The following ATP10B variants were observed in gnomAD, a reference collection of about 807,000 sequenced individuals.
ATP10B encodes the protein ATPase phospholipid transporting 10B (putative).
Under a neutral mutation model 141.2 loss-of-function variants are expected in ATP10B, and 122 were observed. The ratio of observed to expected loss-of-function variants is 0.86; its 90% CI spans 0.75 to 1.00. The LOEUF is 1.00. Among genes scored for constraint, ATP10B ranks in the 50% least tolerant of loss-of-function variants. ATP10B has a pLI of 0.00. For synonymous variants in ATP10B, 685 were observed against 692.0 expected (o/e 0.99, Z 0.16); for missense variants, 1,876 against 1,825.3 (o/e 1.03, Z -0.51).
At chr5:160,814,844 G>T (rs565987724) in intron 1 of ATP10B, among the ~76,000 whole-genome samples, 42 of 152,170 alleles carry the variant, frequency 2.8e-4, no homozygotes, top group Non-Finnish European at 4.3e-4. Context: ...CATTCTTAAA[G>T]AAAAGATTTT....
At position 160,640,573 on chromosome 5, in the gene ATP10B, C is replaced by T; in HGVS notation, c.888G>A (p.Met296Ile). The change falls in exon 10 of 26, where the codon ATG becomes ATA. Residue 296 changes from methionine (M) to isoleucine (I), a missense_variant. By Grantham distance (10) the Met-to-Ile change is conservative (BLOSUM62 1). Coordinates refer to ENST00000327245, the MANE Select transcript of ATP10B (RefSeq NM_025153.3). ...VIYAGHETKAMLNNSGPRYKR... is the reference protein window; with the variant it reads ...VIYAGHETKAILNNSGPRYKR... ...TGTACCGGGGGCCACTGTTGTTCAG[C>T]ATGGCTTTCGTCTCATGGCCTTTGA... is the stretch of plus-strand genomic sequence containing the variant. 1 of 1,614,098 alleles carries T rather than the reference C, an allele frequency of 6.2e-7. No individual in the cohort carries two copies. The highest frequency in any genetic ancestry group is 2.2e-5 in the East Asian group (1 of 44,884).
chr5:160,925,293 AGT>A, the ATP10B span, among the ~76,000 whole-genome samples: 8 of 152,214 alleles, frequency 5.3e-5, no homozygotes, highest in Non-Finnish European at 8.8e-5. Context: ...TTGAGGGAAA[AGT>A]AGCAGCAGCA....
At chr5:160,756,879 C>T (rs957973245) in intron 2 of ATP10B, among the ~76,000 whole-genome samples, 33 of 151,888 alleles carry the variant, frequency 2.2e-4, no homozygotes, top group African/African-American at 6.8e-4. Flanking sequence ...ATACATGTCA[C>T]GCGAATATTT....
rs1023296709 is a variant in ATP10B, at chr5:160,655,030, G to A, written c.676-5774C>T. 2.0e-4 allele frequency among the ~76,000 whole-genome samples: 30 copies of A among 152,236 alleles called. 1 individual carries two copies. The highest frequency in any genetic ancestry group is 6.7e-4 in the African/African-American group (28 of 41,544). On this transcript the variant is annotated intron_variant, in intron 7 of 25. Coordinates refer to ENST00000327245, the MANE Select transcript of ATP10B (RefSeq NM_025153.3). ...ATTTGGATGCACAGAGGAAAGATGA[G>A]TATTTATAAGCTCTCCTCTTGGCCC...
the ATP10B span, among the ~76,000 whole-genome samples, chr5:160,884,784 GA>G: frequency 6.6e-6 from 1 of 152,140 alleles, no homozygotes; most frequent in Non-Finnish European, 1.5e-5. Flanking sequence ...GCAAACATTT[GA>G]AAGGTGGCAC....
rs369968452 is a variant in ATP10B, at chr5:160,589,649, G to A, written c.3693C>T (p.Ile1231=). 11 of 1,614,004 alleles carry A rather than the reference G, an allele frequency of 6.8e-6. No homozygotes were observed. The highest frequency in any genetic ancestry group is 7.6e-6 in the Non-Finnish European group (9 of 1,179,986). ...DIDVFTFGTP[I]NTISLTTILL... is the part of the protein sequence containing the mutation. Reference sequence around the variant, plus strand: ...GGATTGTGGTGAGGGAGATGGTGTTGATTGGTGTCCCAAAGGTAAAGACAT... The same window carrying A: ...GGATTGTGGTGAGGGAGATGGTGTTAATTGGTGTCCCAAAGGTAAAGACAT... The change falls in exon 24 of 26, where the codon ATC becomes ATT. Residue 1231 remains isoleucine, a synonymous_variant. Transcript: ENST00000327245.
intron 3 of ATP10B, among the ~76,000 whole-genome samples, chr5:160,693,403 A>AACACACACACACAC (rs3075585): frequency 9.0e-4 from 113 of 125,682 alleles, no homozygotes; most frequent in Middle Eastern, 4.1e-3. Context: ...TGGGTCAGAA[A>AACACACACACACAC]ACACACACAC....
chr5:160,691,359 T>C (rs535893057), intron 3 of ATP10B, among the ~76,000 whole-genome samples: 7 of 152,132 alleles, frequency 4.6e-5, no homozygotes, highest in East Asian at 1.9e-4. Context: ...AGTATAATAA[T>C]GATTAAAAAA....
intron 3 of ATP10B, 79 bp from the exon 4 acceptor site, chr5:160,689,022 TG>T (rs1240008631): frequency 1.5e-5 from 12 of 788,126 alleles, no homozygotes; most frequent in Admixed American, 6.2e-5. Context: ...TCAAAAAGCT[TG>T]TCCACCACCA....
intron 6 of ATP10B, among the ~76,000 whole-genome samples, chr5:160,678,849 C>A (rs1256102922): frequency 2.0e-5 from 3 of 152,156 alleles, no homozygotes. Flanking sequence ...AATGGCAGCT[C>A]TGAGAAAAGC....
intron 3 of ATP10B, among the ~76,000 whole-genome samples, chr5:160,716,632 C>G (rs1765677660): frequency 6.6e-6 from 1 of 152,138 alleles, no homozygotes; most frequent in African/African-American, 2.4e-5. Context: ...TTAGGTTCAG[C>G]CACATTTAAC....
At chr5:160,662,171 C>T (rs1276027567) in intron 7 of ATP10B, among the ~76,000 whole-genome samples, 1 of 152,148 alleles carries the variant, frequency 6.6e-6, no homozygotes, top group Non-Finnish European at 1.5e-5. Flanking sequence ...GAAGAACATT[C>T]CATGCTCATG....
intron 10 of ATP10B, among the ~76,000 whole-genome samples, chr5:160,640,249 C>A (rs1759736838): frequency 6.6e-6 from 1 of 152,158 alleles, no homozygotes; most frequent in Admixed American, 6.5e-5. Context: ...ATTTCTTGAC[C>A]AAATAAATAT....
At position 160,606,753 on chromosome 5, in the gene ATP10B, T is replaced by C. The variant is rs751034281; in HGVS notation, c.3160+12A>G. ...TGCCAAAGTGCCACCCGCATCTCAG[T>C]ATGATGGGTACCTATGGAAAGGGTC... On this transcript the variant is annotated intron_variant, in intron 19 of 25. Transcript: ENST00000327245. The C allele has an allele frequency of 2.5e-6, 4 of 1,607,516 alleles. No individual in the cohort carries two copies. Among genetic ancestry groups the C allele is most frequent in the South Asian group, 2.2e-5 (2 of 90,434 alleles).
chr5:160,781,936 A>T (rs1770746767), intron 2 of ATP10B, among the ~76,000 whole-genome samples: 1 of 152,144 alleles, frequency 6.6e-6, no homozygotes, highest in African/African-American at 2.4e-5. Context: ...ATACTTTCTG[A>T]GGCAGAATTA....
chr5:160,686,901 T>C, intron 5 of ATP10B: 2 of 964,232 alleles, frequency 2.1e-6, no homozygotes, highest in Non-Finnish European at 2.5e-6. Flanking sequence ...TATAAGCACA[T>C]ATTTTAACTT....
At chr5:160,682,192 A>T (rs1427197741) in intron 6 of ATP10B, among the ~76,000 whole-genome samples, 23 of 152,264 alleles carry the variant, frequency 1.5e-4, no homozygotes, top group Admixed American at 1.5e-3. Context: ...GTAAAGCAAC[A>T]CTGAGTTAAT....
intron 17 of ATP10B, chr5:160,614,663 C>G (rs1012443458): frequency 1.3e-5 from 2 of 152,390 alleles, no homozygotes; most frequent in Admixed American, 6.5e-5. Flanking sequence ...GGAGCTAATG[C>G]ATGCCCCAAC....
At position 160,653,177 on chromosome 5, in the gene ATP10B, A is replaced by C. The variant is rs552903702; in HGVS notation, c.676-3921T>G. On this transcript the variant is annotated intron_variant, in intron 7 of 25. Coordinates refer to ENST00000327245, the MANE Select transcript of ATP10B (RefSeq NM_025153.3). ...AATACATAATATATATTATATATAC[A>C]ATATATTATATATACAATATATTAT... Among the ~76,000 whole-genome samples, 18 of 131,088 alleles carry C rather than the reference A, an allele frequency of 1.4e-4. No homozygotes were observed. In the East Asian group the frequency reaches 3.5e-3, roughly 26 times the overall value. 86.0% of individuals were successfully genotyped at this position (131,088 alleles called of 152,430 possible).
Sources: allele counts gnomAD v4.1 joint callset (sites outside exome capture counted in the v4.1 genomes callset), GRCh38; gene constraint gnomAD v4.1.1; transcripts MANE v1.5; gene names NCBI Gene and HGNC (gene_info 2026-07-23, HGNC 2026-07-21).